The following STXBP3 variants were observed in gnomAD, a reference collection of about 807,000 sequenced individuals.
STXBP3 encodes syntaxin-binding protein 3.
STXBP3 carries 41 observed loss-of-function variants against 85.7 expected under a neutral mutation model. The observed-to-expected ratio is 0.48, with a 90% confidence interval of 0.37 to 0.62. STXBP3 has a LOEUF of 0.62. Among genes scored for constraint, STXBP3 ranks in the 20% least tolerant of loss-of-function variants. The pLI is 0.00. For synonymous variants in STXBP3, 229 were observed against 231.7 expected, an observed-to-expected ratio of 0.99 and a Z score of 0.10; for missense variants, 563 against 703.1, an observed-to-expected ratio of 0.80 and a Z score of 2.25.
At chr1:108,793,422 A>G (rs77503191) in intron 11 of STXBP3, among the ~76,000 whole-genome samples, 160 bp from the exon 12 acceptor site, 3,919 of 152,086 alleles carry the variant, frequency 0.026, 182 homozygotes, top group African/African-American at 0.088. Flanking sequence ...CGTTATTGTG[A>G]GTGAAACTGG....
chr1:108,760,130 T>G (rs1358353317), intron 6 of STXBP3, 45 bp downstream of exon 6: 4 of 1,170,394 alleles, frequency 3.4e-6, no homozygotes, highest in Non-Finnish European at 2.4e-6. Context: ...GTTTCAAATT[T>G]GGTTTTATGG....
Position 108,746,676 on chromosome 1 carries a change from T to C in STXBP3, c.-62T>C. On this transcript the variant is annotated 5_prime_UTR_variant, in exon 1 of 19. Coordinates refer to ENST00000370008, the MANE Select transcript of STXBP3 (RefSeq NM_007269.4). ...AGGGGCGGGGCCACCCCAACGCCGC[T>C]TCTGCGGCCAAAGTAGGTTGGGAGT... is the stretch of plus-strand genomic sequence containing the variant. 1.9e-6 allele frequency: 3 copies of C among 1,543,020 alleles called. No individual in the cohort carries two copies. The highest frequency in any genetic ancestry group is 2.6e-6 in the Non-Finnish European group (3 of 1,140,732).
intron 6 of STXBP3, among the ~76,000 whole-genome samples, chr1:108,766,412 C>T (rs944187947): frequency 5.3e-5 from 8 of 152,062 alleles, no homozygotes; most frequent in Admixed American, 1.3e-4. Context: ...TATGATAAGT[C>T]TCTATGTTTT....
intron 6 of STXBP3, among the ~76,000 whole-genome samples, chr1:108,766,488 G>A (rs562815194): frequency 8.5e-5 from 13 of 152,078 alleles, no homozygotes; most frequent in East Asian, 1.9e-4. Context: ...TTGTGCATCC[G>A]TGTGTAAGCT....
Position 108,782,469 on chromosome 1 carries a change from A to C in STXBP3, c.857A>C (p.Asp286Ala). The change falls in exon 10 of 19, where the codon GAT becomes GCT. Residue 286 changes from aspartate to alanine, a missense_variant. Around this residue, in one of 3 missense-constraint regions of STXBP3, gnomAD observed 494 missense variants for 592.8 expected, o/e 0.83. Transcript: ENST00000370008. Reference protein sequence around the residue: ...KEKEAILEEEDDLWVRIRHRH... With the variant: ...KEKEAILEEEADLWVRIRHRH... ...AAGGAGGCCATCCTTGAAGAAGAAG[A>C]TGACCTCTGGGTTAGAATTCGACAT... 1 of 1,613,860 alleles carries C rather than the reference A, an allele frequency of 6.2e-7. No individual in the cohort carries two copies. Among genetic ancestry groups the C allele is most frequent in the Non-Finnish European group, 8.5e-7 (1 of 1,179,880 alleles).
At chr1:108,797,346 A>AG (rs1663125719) in intron 15 of STXBP3, among the ~76,000 whole-genome samples, 1 of 151,536 alleles carries the variant, frequency 6.6e-6, no homozygotes, top group African/African-American at 2.4e-5. Context: ...TCTCAAAAAA[A>AG]AAAACAAAAA....
At chr1:108,794,065 T>C (rs746592285) in intron 12 of STXBP3, among the ~76,000 whole-genome samples, 1 of 152,240 alleles carries the variant, frequency 6.6e-6, no homozygotes, top group Non-Finnish European at 1.5e-5. Context: ...AGAATAATCT[T>C]AACATTTTTG....
At chr1:108,777,048 C>T (rs1009217145) in intron 8 of STXBP3, among the ~76,000 whole-genome samples, 1 of 151,978 alleles carries the variant, frequency 6.6e-6, no homozygotes, top group Admixed American at 6.6e-5. Context: ...TGGGAAATAC[C>T]AGCATTTACA....
intron 11 of STXBP3, 58 bp from the exon 12 acceptor site, chr1:108,793,524 T>G: frequency 7.1e-7 from 1 of 1,398,708 alleles, no homozygotes; most frequent in South Asian, 1.2e-5. Context: ...ATTTCAAAGT[T>G]GTAATATGGA....
chr1:108,762,511 A>G (rs953471624), intron 6 of STXBP3, among the ~76,000 whole-genome samples: 1 of 71,698 alleles, frequency 1.4e-5, no homozygotes, highest in African/African-American at 8.5e-5. Flanking sequence ...ATTTTAAGGA[A>G]TGTTATTTTA....
intron 3 of STXBP3, among the ~76,000 whole-genome samples, chr1:108,754,205 A>G (rs1004091209): frequency 1.3e-5 from 2 of 151,712 alleles, no homozygotes; most frequent in Non-Finnish European, 2.9e-5. Flanking sequence ...GCTAATTTGT[A>G]TATTTTCTTG....
intron 17 of STXBP3, among the ~76,000 whole-genome samples, chr1:108,805,271 T>G (rs1663304036): frequency 6.6e-6 from 1 of 152,220 alleles, no homozygotes; most frequent in Non-Finnish European, 1.5e-5. Context: ...TCCTTGACTT[T>G]GGGAACAAGA....
intron 11 of STXBP3, among the ~76,000 whole-genome samples, chr1:108,784,443 G>A (rs1482248590): frequency 2.6e-5 from 4 of 152,118 alleles, no homozygotes; most frequent in Admixed American, 6.5e-5. Context: ...TTGTGTGAAC[G>A]CACTATCACA....
At chr1:108,788,017 C>T (rs1662895366) in intron 11 of STXBP3, among the ~76,000 whole-genome samples, 1 of 152,264 alleles carries the variant, frequency 6.6e-6, no homozygotes, top group South Asian at 2.1e-4. Context: ...GTCTCGAACT[C>T]CTGAGCTCAG....
intron 11 of STXBP3, among the ~76,000 whole-genome samples, chr1:108,790,648 A>T (rs1352997057): frequency 6.6e-6 from 1 of 151,496 alleles, no homozygotes; most frequent in African/African-American, 2.4e-5. Context: ...TTCCTTCTTT[A>T]TCAAGTCTTT....
rs1038399500 is a variant in STXBP3 at position 108,766,910 on chromosome 1, G to A, written c.439-5755G>A. On this transcript the variant is annotated intron_variant, in intron 6 of 18. Transcript: ENST00000370008. Reference sequence around the variant, plus strand: ...AGGTAACTCTAGCACAAAAGAAACTGTAATATGGAACTGGGGAGGACTTCA... The same window carrying A: ...AGGTAACTCTAGCACAAAAGAAACTATAATATGGAACTGGGGAGGACTTCA... 9.4e-6 allele frequency: 5 copies of A among 529,774 alleles called. No individual in the cohort carries two copies. The African/African-American group carries it at 9.7e-5, about 10-fold the overall frequency. The allele number at this position is 529,774 out of a possible 1,614,324, so 32.8% of individuals were successfully genotyped here.
chr1:108,756,757 G>T lies in STXBP3; in HGVS notation c.249G>T (p.Pro83=). ...RQMKALYFIT[P]TSKSVDCFLH... ...TGAAAGCTCTTTATTTCATCACTCC[G>T]ACATCAAAGGTGAGTATTTTGAGAC... is the stretch of plus-strand genomic sequence containing the variant. The change falls in exon 4 of 19, where the codon CCG becomes CCT. Residue 83 remains proline (P), a synonymous_variant. Coordinates refer to ENST00000370008, the MANE Select transcript of STXBP3 (RefSeq NM_007269.4). The T allele has an allele frequency of 1.3e-6, 2 of 1,587,230 alleles. No individual in the cohort carries two copies. Among genetic ancestry groups the T allele is most frequent in the African/African-American group, 1.3e-5 (1 of 74,298 alleles).
At chr1:108,752,379 A>AGTATTTACAT in intron 2 of STXBP3, 73 bp downstream of exon 2, 5 of 1,389,372 alleles carry the variant, frequency 3.6e-6, no homozygotes, top group Non-Finnish European at 5.0e-6. Context: ...AAAACTACAT[A>AGTATTTACAT]GTATTTACAT....
intron 2 of STXBP3, among the ~76,000 whole-genome samples, 189 bp from the exon 3 acceptor site, chr1:108,752,874 T>C (rs1041640042): frequency 1.1e-4 from 17 of 152,210 alleles, no homozygotes; most frequent in Non-Finnish European, 1.5e-4. Context: ...TGTTTACTTA[T>C]GTACGATACT....
Sources: gnomAD v4.1 joint callset for allele counts (sites outside exome capture counted in the v4.1 genomes callset) on GRCh38, gnomAD v4.1.1 for gene constraint, gnomAD v4.1.1 regional missense constraint, MANE v1.5 for transcripts, NCBI Gene and HGNC (gene_info 2026-07-23, HGNC 2026-07-21) for gene names.